DDX60L: variants seen among roughly 807,000 people sequenced by gnomAD.
DDX60L encodes probable ATP-dependent RNA helicase DDX60-like.
DDX60L carries 191 observed loss-of-function variants against 211.6 expected under a neutral mutation model. The ratio of observed to expected loss-of-function variants is 0.90; its 90% CI spans 0.80 to 1.02. The LOEUF (loss-of-function observed/expected upper bound fraction) is 1.02. Ranked by LOEUF, DDX60L falls within the 50% of genes least tolerant of loss-of-function variation. The pLI, the probability that DDX60L is intolerant of heterozygous loss-of-function variation, is 0.00. For synonymous variants in DDX60L, 706 were observed against 694.1 expected (o/e 1.02, Z -0.27); for missense variants, 2,007 against 1,984.1 (o/e 1.01, Z -0.22).
At chr4:168,447,865 C>A (rs1755058571) in intron 9 of DDX60L, among the ~76,000 whole-genome samples, 1 of 115,374 alleles carries the variant, frequency 8.7e-6, no homozygotes, top group Non-Finnish European at 1.6e-5. Flanking sequence ...ATATCACACT[C>A]TGGGGACTGT....
chr4:168,454,066 C>G (rs190960717), intron 7 of DDX60L, among the ~76,000 whole-genome samples: 1 of 152,060 alleles, frequency 6.6e-6, no homozygotes, highest in Non-Finnish European at 1.5e-5. Context: ...TACCCAGAAC[C>G]CTATGATGGG....
At chr4:168,374,234 C>G (rs1280563840) in intron 34 of DDX60L, among the ~76,000 whole-genome samples, 2 of 152,036 alleles carry the variant, frequency 1.3e-5, no homozygotes, top group African/African-American at 4.8e-5. Flanking sequence ...ATCACACACT[C>G]CCATCATCTT....
chr4:168,422,448 T>C (rs1025862485), intron 16 of DDX60L, 76 bp downstream of exon 16: 9 of 1,420,270 alleles, frequency 6.3e-6, no homozygotes, highest in Non-Finnish European at 8.5e-6. Flanking sequence ...TATGCAAAAT[T>C]TGACATGTAG....
At chr4:168,383,829 A>C (rs539606366) in intron 30 of DDX60L, among the ~76,000 whole-genome samples, 1 of 152,274 alleles carries the variant, frequency 6.6e-6, no homozygotes, top group South Asian at 2.1e-4. Context: ...GTTAACACTG[A>C]GTGTCAACTT....
intron 32 of DDX60L, among the ~76,000 whole-genome samples, chr4:168,378,697 A>C (rs1351372676): frequency 6.6e-6 from 1 of 151,982 alleles, no homozygotes; most frequent in African/African-American, 2.4e-5. Flanking sequence ...CATCCTTGCT[A>C]TACCCGCCCT....
At chr4:168,385,222 G>C (rs573471791) in intron 29 of DDX60L, among the ~76,000 whole-genome samples, 1 of 152,148 alleles carries the variant, frequency 6.6e-6, no homozygotes, top group Non-Finnish European at 1.5e-5. Context: ...TCAAGGTTAA[G>C]TTTATCACCA....
intron 30 of DDX60L, among the ~76,000 whole-genome samples, chr4:168,383,705 C>T (rs1036943195): frequency 6.6e-6 from 1 of 152,162 alleles, no homozygotes; most frequent in Non-Finnish European, 1.5e-5. Flanking sequence ...CAATGCCTCT[C>T]TGGGCCTGAT....
intron 36 of DDX60L, among the ~76,000 whole-genome samples, chr4:168,361,784 AAG>A (rs1047496628): frequency 6.6e-6 from 1 of 152,210 alleles, no homozygotes; most frequent in Non-Finnish European, 1.5e-5. Context: ...TTCTTGCTAC[AAG>A]AGAGTCTCCC....
intron 13 of DDX60L, among the ~76,000 whole-genome samples, chr4:168,428,701 G>A (rs540098701): frequency 2.0e-5 from 3 of 152,298 alleles, no homozygotes; most frequent in African/African-American, 7.2e-5. Context: ...TCCCAACCAT[G>A]AGGCTAAGAG....
chr4:168,390,212 A>G (rs953403779), intron 29 of DDX60L: 2 of 1,028,494 alleles, frequency 1.9e-6, no homozygotes, highest in African/African-American at 1.7e-5. Context: ...ATGATGTTGG[A>G]TTTCTTCCAA....
intron 14 of DDX60L, 115 bp downstream of exon 14, chr4:168,426,954 TA>T: frequency 8.4e-7 from 1 of 1,187,192 alleles, no homozygotes. Context: ...ATGTTGACAA[TA>T]AAATCAGACA....
At chr4:168,478,523 G>C (rs1428655080) in intron 1 of DDX60L, among the ~76,000 whole-genome samples, 1 of 152,118 alleles carries the variant, frequency 6.6e-6, no homozygotes, top group African/African-American at 2.4e-5. Flanking sequence ...AAAAAAGGGT[G>C]ATATCAGTAA....
intron 4 of DDX60L, chr4:168,469,068 T>C (rs887249931): frequency 1.3e-5 from 2 of 152,192 alleles, no homozygotes; most frequent in Non-Finnish European, 2.9e-5. Context: ...TAAATAGAAA[T>C]TGGCAAGCTG....
At chr4:168,477,130 T>A (rs1406159379) in intron 1 of DDX60L, among the ~76,000 whole-genome samples, 1 of 152,158 alleles carries the variant, frequency 6.6e-6, no homozygotes, top group South Asian at 2.1e-4. Flanking sequence ...AAAAGTGAAA[T>A]CTTGGCTGGG....
chr4:168,378,614 T>C (rs1742376990), intron 32 of DDX60L, 139 bp from the exon 33 acceptor site: 1 of 596,618 alleles, frequency 1.7e-6, no homozygotes, highest in African/African-American at 1.9e-5. Context: ...AAATTGACCA[T>C]ATTTGCAATA....
chr4:168,479,859 C>T (rs1284590463), intron 1 of DDX60L, among the ~76,000 whole-genome samples: 4 of 151,632 alleles, frequency 2.6e-5, no homozygotes, highest in African/African-American at 9.7e-5. Flanking sequence ...TGGCGGGTGC[C>T]TGTAGTCCCA....
chr4:168,413,529 G>C (rs1393843812), intron 22 of DDX60L, among the ~76,000 whole-genome samples: 1 of 151,836 alleles, frequency 6.6e-6, no homozygotes, highest in Non-Finnish European at 1.5e-5. Flanking sequence ...GATCCTATTA[G>C]ATAAATTTAA....
intron 22 of DDX60L, among the ~76,000 whole-genome samples, chr4:168,413,498 A>G (rs2319852): frequency 0.11 from 16,670 of 151,968 alleles, 1,261 homozygotes; most frequent in Admixed American, 0.15. Flanking sequence ...GTGATATATA[A>G]TATCAATAGA....
chr4:168,430,374 C>T (rs1163456473), intron 13 of DDX60L, 104 bp downstream of exon 13: 2 of 999,514 alleles, frequency 2.0e-6, no homozygotes, highest in Middle Eastern at 2.5e-4. Context: ...AGTTAGCAAA[C>T]ATGAGAAAGA....
Sources: allele counts gnomAD v4.1 joint callset (sites outside exome capture counted in the v4.1 genomes callset), GRCh38; gene constraint gnomAD v4.1.1; transcripts MANE v1.5; gene names NCBI Gene and HGNC (gene_info 2026-07-23, HGNC 2026-07-21).